Variants in BBS4 observed in about 807,000 individuals in gnomAD.
BBS4 encodes Bardet-Biedl syndrome 4, also known as BBSome complex member BBS4.
Under a neutral mutation model 71.4 loss-of-function variants are expected in BBS4, and 58 were observed. The observed-to-expected ratio is 0.81, with a 90% confidence interval of 0.66 to 1.01. BBS4 has a LOEUF of 1.01. Among genes scored for constraint, BBS4 ranks in the 50% least tolerant of loss-of-function variants. BBS4 has a pLI of 0.00. For missense variants in BBS4, 660 were observed against 607.9 expected (o/e 1.09, Z -0.90); for synonymous variants, 228 against 216.8 (o/e 1.05, Z -0.46).
intron 8 of BBS4, among the ~76,000 whole-genome samples, chr15:72,725,840 T>C (rs185109298): frequency 0.21 from 223 of 1,078 alleles, 66 homozygotes; most frequent in South Asian, 0.5. Flanking sequence ...CATCCCCCTT[T>C]CCCCATCCCC....
chr15:72,713,343 A>ACACACACACG (rs894529410), intron 4 of BBS4, among the ~76,000 whole-genome samples: 2 of 118,788 alleles, frequency 1.7e-5, no homozygotes, highest in Admixed American at 2.2e-4. Flanking sequence ...ACACACACAC[A>ACACACACACG]CACACACGCA....
intron 8 of BBS4, 71 bp downstream of exon 8, chr15:72,724,726 C>G: frequency 6.3e-7 from 1 of 1,574,884 alleles, no homozygotes; most frequent in South Asian, 1.1e-5. Context: ...ACTCCCAAGC[C>G]TAAAAGAGTG....
chr15:72,686,236 G>A lies in BBS4; in HGVS notation c.9G>A (p.Glu3=), dbSNP rs1313222448. MA[E]ERVATRTQFP... ...CGGTGGGCTGAGCTAAAATGGCTGA[G>A]GAGAGAGTCGCGACGGTGAGCGCCG... Residue 3 remains glutamate, a synonymous_variant, in exon 1 of 16, where the codon GAG becomes GAA. Coordinates refer to ENST00000268057, the MANE Select transcript of BBS4 (RefSeq NM_033028.5). 3 of 1,565,810 alleles carry A rather than the reference G, an allele frequency of 1.9e-6. No homozygotes were observed. The highest frequency in any genetic ancestry group is 2.6e-6 in the Non-Finnish European group (3 of 1,156,176).
At chr15:72,725,786 T>C (rs1208130112) in intron 8 of BBS4, among the ~76,000 whole-genome samples, 2 of 29,416 alleles carry the variant, frequency 6.8e-5, no homozygotes, top group African/African-American at 1.2e-4. Context: ...TTCCCCTTCC[T>C]CCTTCCCTCT....
Position 72,736,880 on chromosome 15 carries a change from C to G in BBS4, c.1367C>G (p.Ala456Gly). The G allele has an allele frequency of 6.2e-7, 1 of 1,614,202 alleles. No individual in the cohort carries two copies. Among genetic ancestry groups the G allele is most frequent in the Admixed American group, 1.7e-5 (1 of 60,026 alleles). Residue 456 changes from alanine to glycine, a missense_variant, in exon 15 of 16, where the codon GCC (alanine) becomes GGC (glycine). Physicochemically the swap from Ala to Gly is moderately conservative, Grantham distance 60. Transcript: ENST00000268057. Reference protein sequence around the residue: ...KHQTTSTSKPASFQQPLGSNQ... With the variant: ...KHQTTSTSKPGSFQQPLGSNQ... The stretch of plus-strand genomic sequence containing the variant: ...CAGACCACTTCAACCAGCAAACCTG[C>G]CAGTTTCCAGCAGCCTCTGGGCTCT...
At chr15:72,687,152 T>C (rs371566090) in intron 1 of BBS4, among the ~76,000 whole-genome samples, 1 of 121,098 alleles carries the variant, frequency 8.3e-6, no homozygotes, top group Admixed American at 9.3e-5. Flanking sequence ...AGTGTCGCTG[T>C]TGTCGGCCCG....
chr15:72,721,432 T>TA (rs1216569745), intron 6 of BBS4, among the ~76,000 whole-genome samples: 2 of 152,080 alleles, frequency 1.3e-5, no homozygotes, highest in African/African-American at 2.4e-5. Flanking sequence ...TGTCTGCACT[T>TA]ACGTATGATT....
chr15:72,723,515 T>C lies in BBS4; in HGVS notation c.459+668T>C, dbSNP rs537866019. On this transcript the variant is annotated intron_variant, in intron 7 of 15. Transcript: ENST00000268057. ...CCTTCATAGAGCTCACAGTTAGTGA[T>C]TGTGAAGTTTTATTCTCCTTTCTCC... 4.0e-4 allele frequency among the ~76,000 whole-genome samples: 61 copies of C among 152,328 alleles called. 1 individual carries two copies. The highest frequency in any genetic ancestry group is 1.4e-3 in the African/African-American group (59 of 41,584).
chr15:72,696,053 G>A (rs1426704977), intron 2 of BBS4, among the ~76,000 whole-genome samples: 2 of 152,204 alleles, frequency 1.3e-5, no homozygotes, highest in African/African-American at 4.8e-5. Context: ...TCTTACTGAT[G>A]TAGTTACTGA....
intron 13 of BBS4, 23 bp downstream of exon 13, chr15:72,735,205 T>C: frequency 6.3e-7 from 1 of 1,596,034 alleles, no homozygotes; most frequent in Non-Finnish European, 8.6e-7. Context: ...TTGAGAATGG[T>C]ACTGGCGGGG....
In BBS4 at chr15:72,712,266, A is replaced by G. The variant is rs916245903; in HGVS notation, c.179A>G (p.Gln60Arg). ...ACKAVIKEQL[Q>R]ETQGLCEYAI... ...CAGGCTGTTATCAAAGAACAGCTTC[A>G]AGAGACTCAGGGATTGTGTGAATAT... Residue 60 changes from glutamine (Q) to arginine (R), a missense_variant, in exon 4 of 16, where the codon CAA becomes CGA. Physicochemically the swap from Gln to Arg is conservative, Grantham distance 43 (BLOSUM62 1). Coordinates refer to ENST00000268057, the MANE Select transcript of BBS4 (RefSeq NM_033028.5). The G allele has an allele frequency of 1.9e-6, 3 of 1,613,960 alleles. No homozygotes were observed. In the African/African-American group the frequency reaches 4.0e-5, roughly 22 times the overall value.
In BBS4 at chr15:72,687,124, C is replaced by CTTTTTTTT. The variant is rs1458417621; in HGVS notation, c.24+876_24+883dup. ...AATTAGAAAACTCTGAAGACAGAAACTTTTTTTTTTGAGACGGAGTGTCGC... is the reference window on the plus strand; with the variant it reads ...AATTAGAAAACTCTGAAGACAGAAACTTTTTTTTTTTTTTTTTTGAGACGGAGTGTCGC... On this transcript the variant is annotated intron_variant, in intron 1 of 15. Coordinates refer to ENST00000268057, the MANE Select transcript of BBS4 (RefSeq NM_033028.5). Among the ~76,000 whole-genome samples the CTTTTTTTT allele has an allele frequency of 5.8e-3, 441 of 76,236 alleles. 59 individuals are homozygous for CTTTTTTTT. Among genetic ancestry groups the CTTTTTTTT allele is most frequent in the African/African-American group, 0.02 (418 of 20,544 alleles). 50.0% of individuals were successfully genotyped at this position (76,236 alleles called of 152,430 possible).
Position 72,735,149 on chromosome 15 carries a change from A to G in BBS4, c.1073A>G (p.Lys358Arg), listed in dbSNP as rs149577332. ...LTNLEDIENA[K>R]RAYAEAVHLD... ...AATCTGGAAGATATAGAAAATGCCA[A>G]GAGAGCCTACGCAGAAGCAGTCCAC... Residue 358 changes from lysine to arginine, a missense_variant, in exon 13 of 16, where the codon AAG becomes AGG. Transcript: ENST00000268057. 9.9e-6 allele frequency: 16 copies of G among 1,613,830 alleles called. No homozygotes were observed. The African/African-American group carries it at 1.3e-4, about 13-fold the overall frequency.
At chr15:72,736,992 C>T in intron 15 of BBS4, 29 bp downstream of exon 15, 2 of 1,609,548 alleles carry the variant, frequency 1.2e-6, no homozygotes, top group Non-Finnish European at 1.7e-6. Context: ...CCATGAAGAC[C>T]TGGCAGGTAC....
intron 8 of BBS4, among the ~76,000 whole-genome samples, chr15:72,726,435 A>G (rs1441800149): frequency 2.6e-5 from 4 of 152,114 alleles, no homozygotes; most frequent in Non-Finnish European, 5.9e-5. Flanking sequence ...TTTAAATGGG[A>G]TAGCTGTAGC....
chr15:72,727,531 G>C (rs182915396), intron 8 of BBS4, among the ~76,000 whole-genome samples: 2 of 152,212 alleles, frequency 1.3e-5, no homozygotes, highest in African/African-American at 4.8e-5. Flanking sequence ...AAATTATGCT[G>C]CCTGGCATTG....
At chr15:72,701,296 G>C (rs958259505) in intron 2 of BBS4, among the ~76,000 whole-genome samples, 22 of 152,208 alleles carry the variant, frequency 1.4e-4, no homozygotes, top group African/African-American at 5.3e-4. Flanking sequence ...GCATGTAGTA[G>C]TGGTTGGTTG....
At chr15:72,690,477 T>C (rs1210813003) in intron 1 of BBS4, among the ~76,000 whole-genome samples, 1 of 152,202 alleles carries the variant, frequency 6.6e-6, no homozygotes, top group Non-Finnish European at 1.5e-5. Context: ...TTGCTGACCT[T>C]TGAAGGTGCT....
At chr15:72,692,485 G>C (rs139855274) in intron 1 of BBS4, among the ~76,000 whole-genome samples, 2 of 151,230 alleles carry the variant, frequency 1.3e-5, no homozygotes, top group African/African-American at 2.4e-5. Context: ...GCTAATTTTT[G>C]TATATTCTGT....
Sources: allele counts gnomAD v4.1 joint callset (sites outside exome capture counted in the v4.1 genomes callset), GRCh38; gene constraint gnomAD v4.1.1; transcripts MANE v1.5; gene names NCBI Gene and HGNC (gene_info 2026-07-23, HGNC 2026-07-21).